The following IL10RA variants were observed in gnomAD, a reference collection of about 807,000 sequenced individuals.
IL10RA encodes the protein interleukin-10 receptor subunit alpha.
Under a neutral mutation model 29.6 loss-of-function variants are expected in IL10RA, and 18 were observed. The ratio of observed to expected loss-of-function variants is 0.61; its 90% CI spans 0.42 to 0.90. The LOEUF is 0.90. Among genes scored for constraint, IL10RA ranks in the 40% least tolerant of loss-of-function variants. The probability of loss-of-function intolerance (pLI) is 0.00; values close to 1 mark genes in which losing one functional copy is unlikely to be tolerated. For missense variants in IL10RA, 634 were observed against 716.6 expected (o/e 0.88, Z 1.32); for synonymous variants, 292 against 294.1 (o/e 0.99, Z 0.07).
intron 5 of IL10RA, 26 bp downstream of exon 5, chr11:117,994,175 A>T: frequency 1.2e-6 from 2 of 1,610,450 alleles, no homozygotes; most frequent in Non-Finnish European, 1.7e-6. Context: ...TGCTCTCAGC[A>T]TGGGGAGGGA....
At chr11:117,996,727 A>G (rs941282321) in intron 6 of IL10RA, among the ~76,000 whole-genome samples, 5 of 152,200 alleles carry the variant, frequency 3.3e-5, no homozygotes, top group Admixed American at 3.3e-4. Flanking sequence ...AGTAGCTGGG[A>G]TTACAGGCAT....
intron 1 of IL10RA, chr11:117,987,203 A>G (rs1320269845): frequency 3.8e-6 from 1 of 262,738 alleles, no homozygotes; most frequent in Non-Finnish European, 7.7e-6. Flanking sequence ...CAAGGACCGA[A>G]ACTGCTTCTT....
chr11:117,998,593 T>G (rs2058070798), intron 6 of IL10RA, 122 bp from the exon 7 acceptor site: 1 of 806,360 alleles, frequency 1.2e-6, no homozygotes, highest in Admixed American at 2.0e-5. Context: ...TACATTCCAG[T>G]GTAATTTAGA....
At chr11:117,995,819 C>G (rs1248393324) in intron 6 of IL10RA, 109 bp downstream of exon 6, 2 of 1,170,002 alleles carry the variant, frequency 1.7e-6, no homozygotes, top group African/African-American at 3.0e-5. Context: ...TAGCTTGCCT[C>G]TGCTCTCAGC....
At chr11:117,986,560 C>A (rs767604255) in intron 1 of IL10RA, 26 bp downstream of exon 1, 2 of 1,550,514 alleles carry the variant, frequency 1.3e-6, no homozygotes, top group South Asian at 2.4e-5. Flanking sequence ...GCGGCCCTTC[C>A]CTGCCCTGCC....
At chr11:118,001,975 A>C (rs754240310), downstream of IL10RA, 12 of 155,178 alleles carry the variant, frequency 7.7e-5, no homozygotes, top group Non-Finnish European at 1.7e-4. Context: ...GACAATGTGG[A>C]GAGAAGAACC....
chr11:118,000,133 A>G lies in IL10RA; in HGVS notation c.*492A>G, dbSNP rs1325073947. On this transcript the variant is annotated 3_prime_UTR_variant, in exon 7 of 7. Transcript: ENST00000227752. ...TTGCTGCTGGGGTCATTTTTAGGGG[A>G]AAAAGGAGGATATGATGGTCACATG... is the stretch of plus-strand genomic sequence containing the variant. The G allele has an allele frequency of 2.2e-6, 1 of 454,716 alleles. No individual in the cohort carries two copies. The highest frequency in any genetic ancestry group is 6.9e-4 in the Middle Eastern group (1 of 1,440). 28.2% of individuals were successfully genotyped at this position (454,716 alleles called of 1,614,324 possible). A position where few individuals can be genotyped will look rare whatever the true frequency, so the allele number is the denominator to read the frequency against.
Position 117,986,436 on chromosome 11 carries a change from G to T in IL10RA, c.-32G>T. The T allele has an allele frequency of 5.2e-6, 8 of 1,546,414 alleles. No individual in the cohort carries two copies. The highest frequency in any genetic ancestry group is 7.0e-6 in the Non-Finnish European group (8 of 1,145,342). ...AGCTGGAGGCGCGCAGGCCGGCTCC[G>T]CTCCGGCCCCGGACGATGCGGCGCG... On this transcript the variant is annotated 5_prime_UTR_variant, in exon 1 of 7. Coordinates refer to ENST00000227752, the MANE Select transcript of IL10RA (RefSeq NM_001558.4).
chr11:117,998,649 C>A, intron 6 of IL10RA, 66 bp from the exon 7 acceptor site: 1 of 1,430,260 alleles, frequency 7.0e-7, no homozygotes. Context: ...TGGCCTTCCC[C>A]GGCAGCACTG....
chr11:118,000,117 G>C lies in IL10RA; in HGVS notation c.*476G>C, dbSNP rs1171049327. The C allele has an allele frequency of 2.2e-6, 1 of 456,106 alleles. No individual in the cohort carries two copies. The highest frequency in any genetic ancestry group is 1.6e-5 in the South Asian group (1 of 64,486). 28.3% of individuals were successfully genotyped at this position (456,106 alleles called of 1,614,324 possible). A position where few individuals can be genotyped will look rare whatever the true frequency, so the allele number is the denominator to read the frequency against. The stretch of plus-strand genomic sequence containing the variant: ...TGGAAGCTTCAGGGCCTTGCTGCTG[G>C]GGTCATTTTTAGGGGAAAAAGGAGG... On this transcript the variant is annotated 3_prime_UTR_variant, in exon 7 of 7. Coordinates refer to ENST00000227752, the MANE Select transcript of IL10RA (RefSeq NM_001558.4).
chr11:117,998,687 T>C, intron 6 of IL10RA, 28 bp from the exon 7 acceptor site: 1 of 1,608,794 alleles, frequency 6.2e-7, no homozygotes, highest in Non-Finnish European at 8.5e-7. Flanking sequence ...TGACTCCTGC[T>C]TCTCTCACTC....
chr11:117,988,544 C>T (rs760130437), intron 2 of IL10RA, 42 bp downstream of exon 2: 2 of 1,610,070 alleles, frequency 1.2e-6, no homozygotes, highest in Admixed American at 3.3e-5. Flanking sequence ...GGAGTGAATC[C>T]CCGCCTTGTC....
chr11:117,986,816 A>AAGT, intron 1 of IL10RA: 1 of 1,506,770 alleles, frequency 6.6e-7, no homozygotes, highest in Non-Finnish European at 8.9e-7. Flanking sequence ...GATGAGCCGT[A>AAGT]AGTTTAGCTC....
In IL10RA at chr11:117,989,760, G is replaced by A. The variant is rs1402853175; in HGVS notation, c.367+140G>A. The A allele has an allele frequency of 3.6e-6, 3 of 836,384 alleles. No individual in the cohort carries two copies. The African/African-American group carries it at 5.0e-5, about 14-fold the overall frequency. 51.8% of individuals were successfully genotyped at this position (836,384 alleles called of 1,614,324 possible). On this transcript the variant is annotated intron_variant, in intron 3 of 6. Transcript: ENST00000227752. This position sits in a 1 kb window ranked among gnomAD's most constrained non-coding sequence, Gnocchi z 4.5. ...GCCGGAGAACTAGTTGCCCAAACAG[G>A]GCAGGACTTTGGAGAATGTTAGATA...
chr11:117,999,287 C>T lies in IL10RA; in HGVS notation c.1383C>T (p.Gly461=). 6.2e-7 allele frequency: 1 copy of T among 1,614,198 alleles called. No individual in the cohort carries two copies. Among genetic ancestry groups the T allele is most frequent in the Non-Finnish European group, 8.5e-7 (1 of 1,179,998 alleles). Residue 461 remains glycine (G), a synonymous_variant, in exon 7 of 7, where the codon GGC becomes GGT. Transcript: ENST00000227752. ...CTGAAGAGAAGGCAACCAAGACAGG[C>T]TGCCTGGAGGAAGAATCGCCCTTGA... ...RCAEEKATKT[G]CLEEESPLTD...
At chr11:117,997,766 TC>T (rs1716205988) in intron 6 of IL10RA, among the ~76,000 whole-genome samples, 2 of 152,116 alleles carry the variant, frequency 1.3e-5, no homozygotes, top group Non-Finnish European at 2.9e-5. Flanking sequence ...GTAAAATAAT[TC>T]TAGGAACAAA....
At position 118,000,536 on chromosome 11, in the gene IL10RA, G is replaced by T; in HGVS notation, c.*895G>T. 1 of 454,292 alleles carries T rather than the reference G, an allele frequency of 2.2e-6. No homozygotes were observed. The highest frequency in any genetic ancestry group is 4.4e-6 in the Non-Finnish European group (1 of 226,794). The allele number at this position is 454,292 out of a possible 1,614,324, so 28.1% of individuals were successfully genotyped here. A position where few individuals can be genotyped will look rare whatever the true frequency, so the allele number is the denominator to read the frequency against. The stretch of plus-strand genomic sequence containing the variant: ...TGGGCTTGGGCACCAGCTCATGCCA[G>T]CCCCAGAGGGTCAGGGTTGGAGGCC... On this transcript the variant is annotated 3_prime_UTR_variant, in exon 7 of 7. Transcript: ENST00000227752.
intron 6 of IL10RA, among the ~76,000 whole-genome samples, chr11:117,996,665 C>A (rs902813416): frequency 6.6e-6 from 1 of 152,254 alleles, no homozygotes; most frequent in African/African-American, 2.4e-5. Flanking sequence ...TCTCAGCTCA[C>A]TTGCAGCCTC....
rs1316159237 is a variant in IL10RA, at chr11:117,986,406, A to G, written c.-62A>G. On this transcript the variant is annotated 5_prime_UTR_variant, in exon 1 of 7. Transcript: ENST00000227752. ...CGGCGGAGCTGTCAGTCCCAGCCCA[A>G]GGGTAGCTGGAGGCGCGCAGGCCGG... 4 of 1,477,302 alleles carry G rather than the reference A, an allele frequency of 2.7e-6. No individual in the cohort carries two copies. Among genetic ancestry groups the G allele is most frequent in the Non-Finnish European group, 3.7e-6 (4 of 1,085,608 alleles). The allele number at this position is 1,477,302 out of a possible 1,614,324, so 91.5% of individuals were successfully genotyped here.
Sources: allele counts gnomAD v4.1 joint callset (sites outside exome capture counted in the v4.1 genomes callset), GRCh38; gene constraint gnomAD v4.1.1; non-coding constraint Gnocchi (gnomAD v3.1); transcripts MANE v1.5; gene names NCBI Gene and HGNC (gene_info 2026-07-23, HGNC 2026-07-21).